SLC25A12: variants seen among roughly 807,000 people sequenced by gnomAD.
SLC25A12 encodes the protein solute carrier family 25 member 12.
SLC25A12 carries 32 observed loss-of-function variants against 83.3 expected under a neutral mutation model. The ratio of observed to expected loss-of-function variants is 0.38; its 90% CI spans 0.29 to 0.52. The LOEUF (loss-of-function observed/expected upper bound fraction) is 0.52. Ranked by LOEUF, SLC25A12 falls within the 20% of genes least tolerant of loss-of-function variation. The pLI, the probability that SLC25A12 is intolerant of heterozygous loss-of-function variation, is 0.84. For missense variants in SLC25A12, 611 were observed against 835.6 expected, an observed-to-expected ratio of 0.73 and a Z score of 3.31; for synonymous variants, 267 against 291.1, an observed-to-expected ratio of 0.92 and a Z score of 0.84.
chr2:171,809,806 C>G, intron 12 of SLC25A12, 120 bp from the exon 13 acceptor site: 1 of 771,378 alleles, frequency 1.3e-6, no homozygotes, highest in Non-Finnish European at 2.3e-6. Flanking sequence ...TTATCAAATG[C>G]TTACATGTAA....
chr2:171,825,795 T>G (rs1311567449), intron 9 of SLC25A12, among the ~76,000 whole-genome samples: 1 of 152,222 alleles, frequency 6.6e-6, no homozygotes, highest in Non-Finnish European at 1.5e-5. Context: ...CTAAGTGCTA[T>G]AGAAGTGGAA....
chr2:171,842,469 C>G (rs1684700553), intron 5 of SLC25A12, among the ~76,000 whole-genome samples: 1 of 152,106 alleles, frequency 6.6e-6, no homozygotes, highest in African/African-American at 2.4e-5. Context: ...TGGCGCACAC[C>G]TGTAATCCCA....
At chr2:171,869,006 A>G (rs745617188) in intron 2 of SLC25A12, among the ~76,000 whole-genome samples, 183 bp from the exon 3 acceptor site, 2 of 152,234 alleles carry the variant, frequency 1.3e-5, no homozygotes, top group South Asian at 2.1e-4. Context: ...AAAACATTTT[A>G]TAGTACTAAT....
chr2:171,871,845 G>A, intron 2 of SLC25A12: 1 of 613,780 alleles, frequency 1.6e-6, no homozygotes, highest in African/African-American at 2.0e-5. Context: ...CTTGAACCTG[G>A]GAGGCGGAGG....
At chr2:171,848,131 C>T (rs928616031) in intron 4 of SLC25A12, 1 of 469,580 alleles carries the variant, frequency 2.1e-6, no homozygotes, top group Non-Finnish European at 4.4e-6. Flanking sequence ...CTTATGGGCA[C>T]TTCCTACTGG....
rs550572727 is a variant in SLC25A12, at chr2:171,865,696, AT to A, written c.209+2984del. Among the ~76,000 whole-genome samples, 560 of 151,600 alleles carry A rather than the reference AT, an allele frequency of 3.7e-3. 4 individuals are homozygous for A. The highest frequency in any genetic ancestry group is 0.01 in the Middle Eastern group (3 of 290). ...TATATTATATACATATATATAAAATATTTTTTTAATGTAGACCAAAACAAAA... is the reference window on the plus strand; with the variant it reads ...TATATTATATACATATATATAAAATATTTTTTAATGTAGACCAAAACAAAA... On this transcript the variant is annotated intron_variant, in intron 3 of 17. Coordinates refer to ENST00000422440, the MANE Select transcript of SLC25A12 (RefSeq NM_003705.5).
chr2:171,871,137 G>C (rs1685448580), intron 2 of SLC25A12, among the ~76,000 whole-genome samples: 1 of 152,136 alleles, frequency 6.6e-6, no homozygotes, highest in African/African-American at 2.4e-5. Context: ...GGGAGGTCGA[G>C]ACTACAGTGA....
chr2:171,874,180 C>G (rs1332650159), intron 2 of SLC25A12, among the ~76,000 whole-genome samples: 2 of 150,158 alleles, frequency 1.3e-5, no homozygotes, highest in African/African-American at 2.5e-5. Context: ...GAGCCGAGAT[C>G]GCACCATTAC....
chr2:171,887,976 AAAT>A (rs1190379483), intron 2 of SLC25A12, among the ~76,000 whole-genome samples: 6 of 152,204 alleles, frequency 3.9e-5, no homozygotes, highest in Admixed American at 3.3e-4. Context: ...CCTATATTCA[AAAT>A]AATAATGCTT....
At chr2:171,881,147 T>TTTTGTTGTTGTTG (rs1553477533) in intron 2 of SLC25A12, among the ~76,000 whole-genome samples, 7 of 152,086 alleles carry the variant, frequency 4.6e-5, no homozygotes, top group African/African-American at 1.7e-4. Flanking sequence ...ATTTTCTTTT[T>TTTTGTTGTTGTTG]TTGTTGTTGT....
rs763454149 is a variant in SLC25A12, at chr2:171,809,671, G to A, written c.1240C>T (p.Arg414Trp). The change falls in exon 13 of 18, where the codon CGG (arginine) becomes TGG (tryptophan). Residue 414 changes from arginine (R) to tryptophan (W), a missense_variant. Around this residue, in one of 3 missense-constraint regions of SLC25A12, gnomAD observed 540 missense variants for 777.5 expected, o/e 0.69. Transcript: ENST00000422440. ...CCATCTCTTCTGGTAAATTTGTCCC[G>A]AACAAAATCATTAACCTAATTAGAA... is the stretch of plus-strand genomic sequence containing the variant. ...AIKLTVNDFV[R>W]DKFTRRDGSV... The A allele has an allele frequency of 2.5e-6, 4 of 1,613,404 alleles. No homozygotes were observed. The highest frequency in any genetic ancestry group is 2.7e-5 in the African/African-American group (2 of 74,854).
chr2:171,827,891 T>C (rs1166862413), intron 8 of SLC25A12, among the ~76,000 whole-genome samples: 1 of 151,784 alleles, frequency 6.6e-6, no homozygotes, highest in Non-Finnish European at 1.5e-5. Flanking sequence ...AGCCTTCATT[T>C]GCGGGCACAG....
At chr2:171,870,409 C>T (rs1276513619) in intron 2 of SLC25A12, among the ~76,000 whole-genome samples, 1 of 151,788 alleles carries the variant, frequency 6.6e-6, no homozygotes, top group Non-Finnish European at 1.5e-5. Context: ...ACTGCTTGAG[C>T]CCAGGAGTTC....
chr2:171,819,962 C>T (rs571432193), intron 9 of SLC25A12, among the ~76,000 whole-genome samples: 2 of 152,282 alleles, frequency 1.3e-5, no homozygotes, highest in South Asian at 4.1e-4. Flanking sequence ...AGCAAACTAA[C>T]ACAGGAACAG....
chr2:171,876,555 G>GC (rs1558941996), intron 2 of SLC25A12, among the ~76,000 whole-genome samples: 1 of 117,504 alleles, frequency 8.5e-6, no homozygotes, highest in African/African-American at 3.1e-5. Flanking sequence ...GGGGGGGGGG[G>GC]ACTCAAGTGA....
chr2:171,839,010 C>T (rs1191279991), intron 5 of SLC25A12, among the ~76,000 whole-genome samples: 2 of 152,028 alleles, frequency 1.3e-5, no homozygotes, highest in African/African-American at 2.4e-5. Flanking sequence ...AAAGAAGTTA[C>T]ATATATGCGG....
At chr2:171,816,454 C>G (rs1481215127) in intron 9 of SLC25A12, among the ~76,000 whole-genome samples, 1 of 152,118 alleles carries the variant, frequency 6.6e-6, no homozygotes, top group African/African-American at 2.4e-5. Flanking sequence ...TTCACATAAC[C>G]TATGCACATC....
chr2:171,844,586 A>G, intron 4 of SLC25A12, 78 bp from the exon 5 acceptor site: 1 of 1,029,020 alleles, frequency 9.7e-7, no homozygotes, highest in Non-Finnish European at 1.5e-6. Context: ...CTACAGAAAA[A>G]AATTAAGAGA....
chr2:171,833,229 A>G (rs927853159), intron 8 of SLC25A12, among the ~76,000 whole-genome samples: 7 of 152,248 alleles, frequency 4.6e-5, no homozygotes, highest in South Asian at 4.1e-4. Context: ...ATGGTCCCCA[A>G]TAGGTAGGGA....
Sources: gnomAD v4.1 joint callset for allele counts (sites outside exome capture counted in the v4.1 genomes callset) on GRCh38, gnomAD v4.1.1 for gene constraint, gnomAD v4.1.1 regional missense constraint, MANE v1.5 for transcripts, NCBI Gene and HGNC (gene_info 2026-07-23, HGNC 2026-07-21) for gene names.